HIVEP3: variants seen among roughly 807,000 people sequenced by gnomAD.
HIVEP3 encodes the protein transcription factor HIVEP3.
In HIVEP3, 49 loss-of-function variants were observed where a neutral mutation model predicts 152.8. The observed-to-expected ratio is 0.32, with a 90% CI of 0.26 to 0.41. The LOEUF is 0.41. Among genes scored for constraint, HIVEP3 ranks in the 10% least tolerant of loss-of-function variants. The pLI is 1.00. For synonymous variants in HIVEP3, 1,269 were observed against 1,289.0 expected, an observed-to-expected ratio of 0.98 and a Z score of 0.33; for missense variants, 2,790 against 3,103.3, an observed-to-expected ratio of 0.90 and a Z score of 2.40.
chr1:41,953,829 C>T (rs1330148882), intron 1 of HIVEP3, among the ~76,000 whole-genome samples: 3 of 152,132 alleles, frequency 2.0e-5, no homozygotes, highest in Non-Finnish European at 4.4e-5. Flanking sequence ...CAATGAATTG[C>T]CACTAATAAT....
At chr1:41,921,981 T>G (rs573781207), upstream of HIVEP3, among the ~76,000 whole-genome samples, 6 of 152,096 alleles carry the variant, frequency 3.9e-5, no homozygotes, top group South Asian at 1.0e-3. Context: ...AGATAAAATA[T>G]AAGATATAAC....
chr1:41,740,176 G>C (rs1337303615), intron 1 of HIVEP3, among the ~76,000 whole-genome samples: 1 of 152,230 alleles, frequency 6.6e-6, no homozygotes, highest in East Asian at 1.9e-4. Context: ...TGTGGGCGCT[G>C]GCAATGGTGT....
intron 1 of HIVEP3, among the ~76,000 whole-genome samples, chr1:42,011,130 A>G (rs753574061): frequency 3.3e-5 from 5 of 152,094 alleles, no homozygotes; most frequent in Non-Finnish European, 7.4e-5. Flanking sequence ...AGATGCCTTT[A>G]GCCACCATTT....
chr1:41,894,008 C>T (rs1435031225), intron 1 of HIVEP3, among the ~76,000 whole-genome samples: 1 of 151,642 alleles, frequency 6.6e-6, no homozygotes, highest in Non-Finnish European at 1.5e-5. Context: ...GCAACCTCCA[C>T]CTACTGGGTT....
At chr1:41,638,803 C>T (rs971916589) in intron 2 of HIVEP3, among the ~76,000 whole-genome samples, 4 of 152,212 alleles carry the variant, frequency 2.6e-5, no homozygotes, top group African/African-American at 4.8e-5. Flanking sequence ...GGGCCGCATC[C>T]GGTCTGGGCA....
At chr1:41,844,013 T>C (rs1234146323) in intron 1 of HIVEP3, among the ~76,000 whole-genome samples, 1 of 152,208 alleles carries the variant, frequency 6.6e-6, no homozygotes, top group Non-Finnish European at 1.5e-5. Context: ...ACAGTGATTT[T>C]GCTCCACATG....
chr1:41,835,336 C>T (rs771802221), intron 1 of HIVEP3, among the ~76,000 whole-genome samples: 3 of 152,166 alleles, frequency 2.0e-5, no homozygotes, highest in Non-Finnish European at 4.4e-5. Flanking sequence ...TCCTGGCTTG[C>T]AGACAGCCAC....
At chr1:41,705,154 G>A (rs765255943) in intron 1 of HIVEP3, among the ~76,000 whole-genome samples, 5 of 152,218 alleles carry the variant, frequency 3.3e-5, no homozygotes, top group Admixed American at 6.5e-5. Flanking sequence ...ATTCAAAGAG[G>A]CAAGAGAACG....
At chr1:41,616,459 C>T (rs901329089) in intron 3 of HIVEP3, among the ~76,000 whole-genome samples, 21 of 152,158 alleles carry the variant, frequency 1.4e-4, no homozygotes, top group Admixed American at 7.8e-4. Flanking sequence ...TCAGAGTCTC[C>T]GGGTTGAAGG....
chr1:41,522,009 G>A (rs1440501571), intron 6 of HIVEP3, among the ~76,000 whole-genome samples: 1 of 152,236 alleles, frequency 6.6e-6, no homozygotes, highest in Non-Finnish European at 1.5e-5. Context: ...CTGAGCTGCT[G>A]CCACGACGTC....
chr1:42,030,923 G>A (rs1645609274), intron 1 of HIVEP3, among the ~76,000 whole-genome samples: 1 of 152,108 alleles, frequency 6.6e-6, no homozygotes, highest in Non-Finnish European at 1.5e-5. Flanking sequence ...TTAAAAGGGA[G>A]GGTCGAAGGA....
intron 5 of HIVEP3, among the ~76,000 whole-genome samples, chr1:41,527,482 TCA>T (rs1395901058): frequency 1.4e-5 from 1 of 69,052 alleles, no homozygotes; most frequent in Non-Finnish European, 2.9e-5. Flanking sequence ...ACCTTCATAC[TCA>T]CACACCACCC....
chr1:41,558,460 G>C (rs1324137119), intron 5 of HIVEP3, among the ~76,000 whole-genome samples: 5 of 152,240 alleles, frequency 3.3e-5, no homozygotes, highest in African/African-American at 1.2e-4. Flanking sequence ...GGGGAGATGA[G>C]GATTTGGGGA....
chr1:41,616,235 C>G (rs1483969612), intron 3 of HIVEP3, among the ~76,000 whole-genome samples: 1 of 152,144 alleles, frequency 6.6e-6, no homozygotes, highest in Non-Finnish European at 1.5e-5. Context: ...AAACTTAGAG[C>G]ACCCCAAGTG....
upstream of HIVEP3, among the ~76,000 whole-genome samples, chr1:41,921,418 G>C (rs932970712): frequency 2.8e-4 from 42 of 152,246 alleles, no homozygotes; most frequent in African/African-American, 9.6e-4. Context: ...AGTCTCATGA[G>C]ATCTGATGGT....
intron 1 of HIVEP3, among the ~76,000 whole-genome samples, chr1:41,715,111 G>C (rs1394899015): frequency 6.6e-6 from 1 of 152,176 alleles, no homozygotes; most frequent in Non-Finnish European, 1.5e-5. Flanking sequence ...CACTGCCTGG[G>C]CTGCTTCCTT....
chr1:41,885,235 G>A (rs1217175239), intron 1 of HIVEP3, among the ~76,000 whole-genome samples: 1 of 152,206 alleles, frequency 6.6e-6, no homozygotes, highest in Non-Finnish European at 1.5e-5. Context: ...ACCCTTAGGT[G>A]CTCTCATTCA....
At chr1:42,028,139 T>G (rs1645592861) in intron 1 of HIVEP3, among the ~76,000 whole-genome samples, 1 of 152,248 alleles carries the variant, frequency 6.6e-6, no homozygotes, top group Admixed American at 6.5e-5. Flanking sequence ...GACCAAGTTT[T>G]ATTTTTCTTC....
intron 1 of HIVEP3, among the ~76,000 whole-genome samples, chr1:41,827,265 TTATTGATATCCTTCTGGCA>T (rs1234810073): frequency 6.6e-6 from 1 of 152,218 alleles, no homozygotes; most frequent in Non-Finnish European, 1.5e-5. Context: ...CAACAGTACC[TTATTGATATCCTTCTGGCA>T]TCACCTAAAA....
Sources: gnomAD v4.1 joint callset for allele counts (sites outside exome capture counted in the v4.1 genomes callset) on GRCh38, gnomAD v4.1.1 for gene constraint, MANE v1.5 for transcripts, NCBI Gene and HGNC (gene_info 2026-07-23, HGNC 2026-07-21) for gene names.